IL1RL2: variants seen among roughly 807,000 people sequenced by gnomAD.
IL1RL2 encodes the protein interleukin 1 receptor like 2.
In IL1RL2, 68 loss-of-function variants were observed where a neutral mutation model predicts 66.8. The ratio of observed to expected loss-of-function variants is 1.02; its 90% CI spans 0.84 to 1.25. The LOEUF is 1.25. Ranked by LOEUF, IL1RL2 falls within the 50% of genes most tolerant of loss-of-function variation. The pLI is 0.00. For synonymous variants in IL1RL2, 305 were observed against 264.6 expected (o/e 1.15, Z -1.48); for missense variants, 729 against 709.3 (o/e 1.03, Z -0.32).
At chr2:102,207,102 G>T (rs545640468) in intron 5 of IL1RL2, among the ~76,000 whole-genome samples, 5 of 152,228 alleles carry the variant, frequency 3.3e-5, no homozygotes, top group Non-Finnish European at 5.9e-5. Context: ...AAGTCAGCTT[G>T]TGGCAAATGC....
intron 7 of IL1RL2, 151 bp from the exon 8 acceptor site, chr2:102,219,730 A>G (rs949222845): frequency 3.0e-6 from 2 of 677,114 alleles, no homozygotes; most frequent in African/African-American, 3.6e-5. Flanking sequence ...CAATCTACAA[A>G]CCTCACTGGG....
chr2:102,195,834 C>T (rs958765341), intron 4 of IL1RL2, among the ~76,000 whole-genome samples: 3 of 151,514 alleles, frequency 2.0e-5, no homozygotes, highest in South Asian at 2.1e-4. Context: ...CTGCCTCAGC[C>T]TCCAGAGTAG....
chr2:102,201,661 C>T lies in IL1RL2; in HGVS notation c.595C>T (p.Leu199=). Residue 199 remains leucine, a synonymous_variant, in exon 5 of 12, where the codon CTG becomes TTG. Transcript: ENST00000264257. ...AGGGAACTACGCGTGTCAAGCCATA[C>T]TGACACACTCAGGGAAGCAGTACGA... is the stretch of plus-strand genomic sequence containing the variant. ...DRGNYACQAI[L]THSGKQYEVL... The T allele has an allele frequency of 1.2e-6, 2 of 1,614,054 alleles. No homozygotes were observed. The highest frequency in any genetic ancestry group is 1.1e-5 in the South Asian group (1 of 91,078).
chr2:102,187,334 C>T (rs1014117921), intron 1 of IL1RL2: 1 of 1,170,544 alleles, frequency 8.5e-7, no homozygotes, highest in Non-Finnish European at 1.1e-6. Context: ...TCCCGCTGGC[C>T]CTTGCCAGGT....
chr2:102,224,831 C>G (rs551634624), intron 8 of IL1RL2, among the ~76,000 whole-genome samples: 149 of 152,210 alleles, frequency 9.8e-4, no homozygotes, highest in African/African-American at 3.5e-3. Flanking sequence ...CAAAATATTA[C>G]ACATACCCTA....
chr2:102,225,474 G>A (rs909008407), intron 8 of IL1RL2, among the ~76,000 whole-genome samples: 4 of 152,214 alleles, frequency 2.6e-5, no homozygotes, highest in Admixed American at 2.6e-4. Flanking sequence ...GTTACAATAT[G>A]ATTGTAATCA....
downstream of IL1RL2, chr2:102,240,090 C>A (rs1675185051): frequency 1.3e-5 from 2 of 152,222 alleles, no homozygotes; most frequent in African/African-American, 4.8e-5. Context: ...CTGCTAAAAT[C>A]ATCTGACAAT....
intron 9 of IL1RL2, among the ~76,000 whole-genome samples, chr2:102,227,281 G>A (rs754571068): frequency 2.5e-4 from 37 of 150,102 alleles, no homozygotes; most frequent in Admixed American, 1.2e-3. Flanking sequence ...GAAACTGGTT[G>A]TCTGAGAACG....
At chr2:102,189,742 G>T (rs557715396) in intron 3 of IL1RL2, among the ~76,000 whole-genome samples, 3 of 152,084 alleles carry the variant, frequency 2.0e-5, no homozygotes, top group Non-Finnish European at 4.4e-5. Flanking sequence ...CTCAGCTTCC[G>T]AAGTAGCTGG....
chr2:102,196,237 GCAGGTCA>G (rs1687774188), intron 4 of IL1RL2, among the ~76,000 whole-genome samples: 3 of 152,118 alleles, frequency 2.0e-5, no homozygotes, highest in Admixed American at 6.6e-5. Flanking sequence ...GCTAACTGAA[GCAGGTCA>G]CCCATGGGTG....
intron 5 of IL1RL2, 118 bp downstream of exon 5, chr2:102,201,833 G>T (rs111374649): frequency 2.2e-6 from 2 of 901,476 alleles, no homozygotes. Context: ...TTTCCCTGAA[G>T]GCTAGTAGGC....
chr2:102,193,572 G>A (rs558855221), intron 4 of IL1RL2, among the ~76,000 whole-genome samples: 4 of 152,174 alleles, frequency 2.6e-5, no homozygotes, highest in East Asian at 1.9e-4. Context: ...GACTGGTCTC[G>A]AACTCCTGGC....
chr2:102,222,229 C>T (rs1287923019), intron 8 of IL1RL2, among the ~76,000 whole-genome samples: 1 of 152,096 alleles, frequency 6.6e-6, no homozygotes, highest in Non-Finnish European at 1.5e-5. Flanking sequence ...ATTTACGTTG[C>T]CGTATCCTAG....
At chr2:102,223,967 T>C (rs542486497) in intron 8 of IL1RL2, among the ~76,000 whole-genome samples, 52 of 152,314 alleles carry the variant, frequency 3.4e-4, no homozygotes, top group African/African-American at 1.2e-3. Flanking sequence ...ACTGGCTGCA[T>C]TGGGACTTAC....
intron 4 of IL1RL2, among the ~76,000 whole-genome samples, chr2:102,200,694 G>A (rs11678651): frequency 2.0e-5 from 3 of 151,948 alleles, no homozygotes; most frequent in African/African-American, 7.3e-5. Flanking sequence ...AATTCAGAAG[G>A]TGGCCCAAGG....
Position 102,189,869 on chromosome 2 carries a change from A to G in IL1RL2, c.293+559A>G, listed in dbSNP as rs151089701. Among the ~76,000 whole-genome samples, 810 of 152,200 alleles carry G rather than the reference A, an allele frequency of 5.3e-3. 5 individuals carry two copies. The highest frequency in any genetic ancestry group is 0.019 in the African/African-American group (783 of 41,534). On this transcript the variant is annotated intron_variant, in intron 3 of 11. Coordinates refer to ENST00000264257, the MANE Select transcript of IL1RL2 (RefSeq NM_003854.4). Reference sequence around the variant, plus strand: ...GGGTTTCACCGTGTTAGCTAGGATGATCTCGAGCTACTGAACTCGTGATCC... The same window carrying G: ...GGGTTTCACCGTGTTAGCTAGGATGGTCTCGAGCTACTGAACTCGTGATCC...
In IL1RL2 at chr2:102,201,725, C is replaced by T. The variant is rs1183291182; in HGVS notation, c.649+10C>T. 2 of 1,611,494 alleles carry T rather than the reference C, an allele frequency of 1.2e-6. No individual in the cohort carries two copies. The highest frequency in any genetic ancestry group is 2.2e-5 in the East Asian group (1 of 44,832). Reference sequence around the variant, plus strand: ...ATCACTGTGAGCATTAGTAAGTATGCTCATGTATGCCTGTCGCCTTGTATT... The same window carrying T: ...ATCACTGTGAGCATTAGTAAGTATGTTCATGTATGCCTGTCGCCTTGTATT... On this transcript the variant is annotated intron_variant, in intron 5 of 11. Transcript: ENST00000264257.
At chr2:102,242,555 G>A (rs139502775), downstream of IL1RL2, among the ~76,000 whole-genome samples, 1 of 152,242 alleles carries the variant, frequency 6.6e-6, no homozygotes, top group African/African-American at 2.4e-5. Flanking sequence ...AGATGAGATG[G>A]TTCAGCTCAA....
chr2:102,236,738 T>C (rs1674922114), intron 11 of IL1RL2, among the ~76,000 whole-genome samples: 2 of 151,864 alleles, frequency 1.3e-5, no homozygotes, highest in South Asian at 4.2e-4. Flanking sequence ...CCCTATTGCC[T>C]TCCCATTGCC....
Sources: gnomAD v4.1 joint callset for allele counts (sites outside exome capture counted in the v4.1 genomes callset) on GRCh38, gnomAD v4.1.1 for gene constraint, MANE v1.5 for transcripts, NCBI Gene and HGNC (gene_info 2026-07-23, HGNC 2026-07-21) for gene names.